SLC12A5: variants seen among roughly 807,000 people sequenced by gnomAD.
SLC12A5 encodes the protein K-Cl cotransporter 2.
A neutral mutation model predicts 124.0 loss-of-function variants in SLC12A5; 18 were observed. The ratio of observed to expected loss-of-function variants is 0.15; its 90% CI spans 0.10 to 0.22. SLC12A5 has a LOEUF of 0.22. SLC12A5 is among the 10% of genes least tolerant of loss of function. The pLI, the probability that SLC12A5 is intolerant of heterozygous loss-of-function variation, is 1.00. For synonymous variants in SLC12A5, 589 were observed against 568.0 expected (o/e 1.04, Z -0.53); for missense variants, 867 against 1,478.7 (o/e 0.59, Z 6.78).
chr20:46,039,719 G>C (rs937262482), intron 6 of SLC12A5, among the ~76,000 whole-genome samples: 6 of 151,844 alleles, frequency 4.0e-5, no homozygotes, highest in African/African-American at 1.5e-4. Context: ...AGGTTGCAGT[G>C]AGCCAAGATC....
chr20:46,056,958 G>T lies in SLC12A5; in HGVS notation c.3125+47G>T. Reference sequence around the variant, plus strand: ...CATTCTCTCTCCTAGGATGGCCAGGGTCCCTACCCTCCTCACTCTGTTGTG... The same window carrying T: ...CATTCTCTCTCCTAGGATGGCCAGGTTCCCTACCCTCCTCACTCTGTTGTG... On this transcript the variant is annotated intron_variant, in intron 24 of 25. Coordinates refer to ENST00000243964, the MANE Select transcript of SLC12A5 (RefSeq NM_020708.5). This position sits in a 1 kb window ranked among gnomAD's most constrained non-coding sequence, Gnocchi z 4.3. 6.2e-7 allele frequency: 1 copy of T among 1,613,534 alleles called. No homozygotes were observed. The highest frequency in any genetic ancestry group is 1.7e-5 in the Admixed American group (1 of 59,998).
rs757850321 is a variant in SLC12A5 at position 46,057,858 on chromosome 20, C to G, written c.*253C>G. The G allele has an allele frequency of 4.5e-6, 2 of 445,982 alleles. No homozygotes were observed. Among genetic ancestry groups the G allele is most frequent in the Non-Finnish European group, 7.9e-6 (2 of 253,682 alleles). 27.6% of individuals were successfully genotyped at this position (445,982 alleles called of 1,614,324 possible). A position where few individuals can be genotyped will look rare whatever the true frequency, so the allele number is the denominator to read the frequency against. Reference sequence around the variant, plus strand: ...TCGCTGCCCTTTTTCTAAGCCCGGCCTCGTCTCGCCGGAGGAGACGCTGCA... The same window carrying G: ...TCGCTGCCCTTTTTCTAAGCCCGGCGTCGTCTCGCCGGAGGAGACGCTGCA... On this transcript the variant is annotated 3_prime_UTR_variant, in exon 26 of 26. Coordinates refer to ENST00000243964, the MANE Select transcript of SLC12A5 (RefSeq NM_020708.5). The surrounding 1 kb of genome is among the most constrained non-coding windows in gnomAD (Gnocchi z 7.1).
At chr20:46,024,631 A>G (rs945757446), upstream of SLC12A5, among the ~76,000 whole-genome samples, 2 of 152,266 alleles carry the variant, frequency 1.3e-5, no homozygotes, top group Middle Eastern at 3.4e-3. Flanking sequence ...TCTGGGCCAA[A>G]TGAGTGGGGT....
chr20:46,031,494 A>G (rs552791315), intron 1 of SLC12A5, among the ~76,000 whole-genome samples: 5 of 152,240 alleles, frequency 3.3e-5, no homozygotes, highest in Admixed American at 6.5e-5. Flanking sequence ...CTGATTCTAG[A>G]TTCTTGGGGA....
At position 46,057,160 on chromosome 20, in the gene SLC12A5, C is replaced by G; in HGVS notation, c.3126-10C>G. 5.0e-6 allele frequency: 8 copies of G among 1,613,932 alleles called. No homozygotes were observed. The Middle Eastern group carries it at 1.3e-3, about 269-fold the overall frequency. ...GCTCACGCGGTCTCCACTCCTCCTT[C>G]CTGCCGCAGGAACCAGTCCAACGTG... On this transcript the variant is annotated splice_polypyrimidine_tract_variant and intron_variant, in intron 24 of 25. Coordinates refer to ENST00000243964, the MANE Select transcript of SLC12A5 (RefSeq NM_020708.5). The surrounding 1 kb of genome is among the most constrained non-coding windows in gnomAD (Gnocchi z 7.1).
At chr20:46,028,942 G>A (rs888178145), upstream of SLC12A5, 9 of 186,782 alleles carry the variant, frequency 4.8e-5, no homozygotes, top group Non-Finnish European at 1.1e-5. Context: ...GGGGAGCTGC[G>A]TCTGCTCAAG....
rs141236407 is a variant in SLC12A5 at position 46,049,637 on chromosome 20, G to C, written c.2028G>C (p.Val676=). Reference sequence around the variant, plus strand: ...CACTCTTCAGGCCACAGCTGCTGGTGCTGGTGCGTGTGGACCAAGACCAGA... The same window carrying C: ...CACTCTTCAGGCCACAGCTGCTGGTCCTGGTGCGTGTGGACCAAGACCAGA... ...HTKNWRPQLL[V]LVRVDQDQNV... is the part of the protein sequence containing the mutation. The change falls in exon 17 of 26, where the codon GTG becomes GTC. Residue 676 remains valine, a synonymous_variant. Coordinates refer to ENST00000243964, the MANE Select transcript of SLC12A5 (RefSeq NM_020708.5). 1 of 1,604,534 alleles carries C rather than the reference G, an allele frequency of 6.2e-7. No homozygotes were observed. Among genetic ancestry groups the C allele is most frequent in the South Asian group, 1.1e-5 (1 of 88,958 alleles).
chr20:46,037,593 G>A (rs533696403), intron 6 of SLC12A5, among the ~76,000 whole-genome samples: 34 of 152,264 alleles, frequency 2.2e-4, no homozygotes, highest in African/African-American at 7.2e-4. Flanking sequence ...CACAGCTGTC[G>A]TTTATCAGGC....
At chr20:46,046,552 C>A in intron 14 of SLC12A5, 116 bp downstream of exon 14, 1 of 810,898 alleles carries the variant, frequency 1.2e-6, no homozygotes, top group Non-Finnish European at 2.0e-6. Context: ...AAGAGGACAT[C>A]CTTTTTTCTC....
Position 46,053,797 on chromosome 20 carries a change from C to T in SLC12A5, c.2679+88C>T, listed in dbSNP as rs1009255686. 1 of 1,386,530 alleles carries T rather than the reference C, an allele frequency of 7.2e-7. No individual in the cohort carries two copies. Among genetic ancestry groups the T allele is most frequent in the African/African-American group, 1.5e-5 (1 of 68,444 alleles). The allele number at this position is 1,386,530 out of a possible 1,614,324, so 85.9% of individuals were successfully genotyped here. On this transcript the variant is annotated intron_variant, in intron 20 of 25. Transcript: ENST00000243964. This position sits in a 1 kb window ranked among gnomAD's most constrained non-coding sequence, Gnocchi z 4.7. ...CAAGTAGGGCAACTCTAACACCCAT[C>T]AGCTTATGATGCTGGATCCTTTCCC...
chr20:46,028,063 A>T (rs561327406), upstream of SLC12A5, among the ~76,000 whole-genome samples: 420 of 152,208 alleles, frequency 2.8e-3, 1 homozygote, highest in African/African-American at 9.8e-3. Flanking sequence ...ACTTCCTGAG[A>T]TGTCTGCACC....
rs373972366 is a variant in SLC12A5, at chr20:46,058,708, C to CT, written c.*1104dup. 3.0e-5 allele frequency: 12 copies of CT among 399,070 alleles called. No individual in the cohort carries two copies. The highest frequency in any genetic ancestry group is 1.2e-4 in the African/African-American group (6 of 48,772). The allele number at this position is 399,070 out of a possible 1,614,324, so 24.7% of individuals were successfully genotyped here. On this transcript the variant is annotated 3_prime_UTR_variant, in exon 26 of 26. Coordinates refer to ENST00000243964, the MANE Select transcript of SLC12A5 (RefSeq NM_020708.5). This position sits in a 1 kb window ranked among gnomAD's most constrained non-coding sequence, Gnocchi z 5.8. Reference sequence around the variant, plus strand: ...AAATTGTGGAGCTGGAGGGCGCCCCCTCCCCGGAGTTTCCTCCCTGGGACA... The same window carrying CT: ...AAATTGTGGAGCTGGAGGGCGCCCCCTTCCCCGGAGTTTCCTCCCTGGGACA...
chr20:46,057,565 T>C lies in SLC12A5; in HGVS notation c.3311T>C (p.Val1104Ala). ...GAGCACCTGGACCGGGTGATGCTGG[T>C]CCGCGGCGGCGGCCGCGAGGTCATC... is the stretch of plus-strand genomic sequence containing the variant. ...LTEHLDRVML[V>A]RGGGREVITI... is the part of the protein sequence containing the mutation. The change falls in exon 26 of 26, where the codon GTC becomes GCC. Residue 1104 changes from valine (V) to alanine (A), a missense_variant. This residue lies in a region of SLC12A5 where 180 missense variants were observed against 243.6 expected (regional missense o/e 0.74). Coordinates refer to ENST00000243964, the MANE Select transcript of SLC12A5 (RefSeq NM_020708.5). This position sits in a 1 kb window ranked among gnomAD's most constrained non-coding sequence, Gnocchi z 7.1. The C allele has an allele frequency of 6.2e-7, 1 of 1,614,010 alleles. No homozygotes were observed.
intron 1 of SLC12A5, among the ~76,000 whole-genome samples, chr20:46,030,825 C>T (rs571156012): frequency 1.3e-5 from 2 of 152,046 alleles, no homozygotes; most frequent in East Asian, 2.0e-4. Context: ...CGCCGCTTCC[C>T]GCAACTCCTC....
intron 2 of SLC12A5, chr20:46,023,171 G>T: frequency 2.5e-6 from 1 of 397,884 alleles, no homozygotes; most frequent in Non-Finnish European, 4.4e-6. Context: ...ACCAAATTGA[G>T]GCCTGGAATT....
rs2084699092 is a variant in SLC12A5 at position 46,056,713 on chromosome 20, G to C, written c.3110+149G>C. ...CTTGGTTTCTCCATCTGAGGACTTAGGGGGTTGGGCCCCATTGCTAAGTCT... is the reference window on the plus strand; with the variant it reads ...CTTGGTTTCTCCATCTGAGGACTTACGGGGTTGGGCCCCATTGCTAAGTCT... On this transcript the variant is annotated intron_variant, in intron 23 of 25. Transcript: ENST00000243964. The surrounding 1 kb of genome is among the most constrained non-coding windows in gnomAD (Gnocchi z 4.3). The C allele has an allele frequency of 8.8e-7, 1 of 1,137,426 alleles. No individual in the cohort carries two copies. Among genetic ancestry groups the C allele is most frequent in the African/African-American group, 1.5e-5 (1 of 64,590 alleles). 70.5% of individuals were successfully genotyped at this position (1,137,426 alleles called of 1,614,324 possible).
At chr20:46,040,279 T>C in intron 6 of SLC12A5, 94 bp from the exon 7 acceptor site, 1 of 1,543,432 alleles carries the variant, frequency 6.5e-7, no homozygotes, top group Non-Finnish European at 8.8e-7. Context: ...CCACTGTGAC[T>C]GTGCTGTGAT....
In SLC12A5 at chr20:46,058,302, G is replaced by T; in HGVS notation, c.*697G>T. On this transcript the variant is annotated 3_prime_UTR_variant, in exon 26 of 26. Transcript: ENST00000243964. This position sits in a 1 kb window ranked among gnomAD's most constrained non-coding sequence, Gnocchi z 5.8. The stretch of plus-strand genomic sequence containing the variant: ...GAGAGCGAAAGTGCTTTAGGCCCAG[G>T]CGGGGGTCGTGGCCTCGTTCCCTCG... 2.5e-6 allele frequency: 1 copy of T among 397,436 alleles called. No individual in the cohort carries two copies. Among genetic ancestry groups the T allele is most frequent in the Non-Finnish European group, 4.4e-6 (1 of 225,616 alleles). 24.6% of individuals were successfully genotyped at this position (397,436 alleles called of 1,614,324 possible).
chr20:46,041,239 G>C lies in SLC12A5; in HGVS notation c.855-90G>C, dbSNP rs998506161. 1.0e-5 allele frequency: 11 copies of C among 1,080,614 alleles called. No individual in the cohort carries two copies. In the East Asian group the frequency reaches 2.5e-4, roughly 25 times the overall value. 66.9% of individuals were successfully genotyped at this position (1,080,614 alleles called of 1,614,324 possible). ...CTCTGGATATGGGGACCTGGCGTCC[G>C]TGTGTTTAAAAGGTCTCCCGGTGGC... On this transcript the variant is annotated intron_variant, in intron 7 of 25. Transcript: ENST00000243964.
Sources: gnomAD v4.1 joint callset for allele counts (sites outside exome capture counted in the v4.1 genomes callset) on GRCh38, gnomAD v4.1.1 for gene constraint, gnomAD v4.1.1 regional missense constraint, Gnocchi (gnomAD v3.1) non-coding constraint, MANE v1.5 for transcripts, NCBI Gene and HGNC (gene_info 2026-07-23, HGNC 2026-07-21) for gene names.